YPEL5: variants seen among roughly 807,000 people sequenced by gnomAD.
YPEL5 encodes protein yippee-like 5.
Under a neutral mutation model 10.5 loss-of-function variants are expected in YPEL5, and 1 was observed. That is an observed-to-expected ratio of 0.10 (90% confidence interval 0.03 to 0.45). The LOEUF (loss-of-function observed/expected upper bound fraction) is 0.45. Ranked by LOEUF, YPEL5 falls within the 20% of genes least tolerant of loss-of-function variation. The pLI is 0.97. For synonymous variants in YPEL5, 61 were observed against 56.6 expected, an observed-to-expected ratio of 1.08 and a Z score of -0.35; for missense variants, 68 against 159.3, an observed-to-expected ratio of 0.43 and a Z score of 3.09.
chr2:30,158,515 T>A, intron 2 of YPEL5, 104 bp from the exon 3 acceptor site: 2 of 1,080,984 alleles, frequency 1.9e-6, no homozygotes, highest in Non-Finnish European at 2.7e-6. Context: ...AACAAGTTCT[T>A]TCTCCTTTTC....
At chr2:30,157,564 AT>A (rs1676098074) in intron 2 of YPEL5, among the ~76,000 whole-genome samples, 1 of 152,128 alleles carries the variant, frequency 6.6e-6, no homozygotes, top group South Asian at 2.1e-4. Flanking sequence ...TGTTTTTCTG[AT>A]TTGCAAGTGT....
rs186089333 is a variant in YPEL5, at chr2:30,154,861, C to T, written c.-24-1767C>T. On this transcript the variant is annotated intron_variant, in intron 1 of 2. Coordinates refer to ENST00000261353, the MANE Select transcript of YPEL5 (RefSeq NM_016061.3). The stretch of plus-strand genomic sequence containing the variant: ...TCAAGCCATTCTCCTGCCTCAGCCT[C>T]CCGAGTAGCTGAGACTACAGGCGTG... Among the ~76,000 whole-genome samples the T allele has an allele frequency of 2.4e-3, 359 of 152,328 alleles. 4 individuals carry two copies. The highest frequency in any genetic ancestry group is 8.1e-3 in the African/African-American group (337 of 41,564).
Position 30,158,604 on chromosome 2 carries a change from C to T in YPEL5, c.142-15C>T, listed in dbSNP as rs1332097426. The stretch of plus-strand genomic sequence containing the variant: ...AACATGCCTTGCAATTTTGATTTTC[C>T]TTGTCCCTTGTTAGGTAGTTAACCT... On this transcript the variant is annotated splice_polypyrimidine_tract_variant and intron_variant, in intron 2 of 2. Coordinates refer to ENST00000261353, the MANE Select transcript of YPEL5 (RefSeq NM_016061.3). 6.2e-7 allele frequency: 1 copy of T among 1,611,366 alleles called. No homozygotes were observed. The highest frequency in any genetic ancestry group is 1.7e-5 in the Admixed American group (1 of 60,012).
chr2:30,156,542 T>C, intron 1 of YPEL5, 86 bp from the exon 2 acceptor site: 2 of 1,244,264 alleles, frequency 1.6e-6, no homozygotes, highest in Non-Finnish European at 2.3e-6. Flanking sequence ...TAAATACGTA[T>C]ACAAATTGTT....
intron 1 of YPEL5, chr2:30,148,348 TTGG>T (rs369283385): frequency 1.6e-3 from 247 of 152,336 alleles, no homozygotes; most frequent in African/African-American, 5.5e-3. Context: ...ATTAGTAGAC[TTGG>T]TGGTGAAGAA....
At position 30,149,720 on chromosome 2, in the gene YPEL5, T is replaced by G. The variant is rs1385619960; in HGVS notation, c.-25+2658T>G. On this transcript the variant is annotated intron_variant, in intron 1 of 2. Transcript: ENST00000261353. ...ACCACCTCTGCAAGGGGCAGGTTCCTTTAACCCTTTCTGCGCTAGATGCCT... is the reference window on the plus strand; with the variant it reads ...ACCACCTCTGCAAGGGGCAGGTTCCGTTAACCCTTTCTGCGCTAGATGCCT... Among the ~76,000 whole-genome samples the G allele has an allele frequency of 2.0e-5, 3 of 152,354 alleles. No individual in the cohort carries two copies. The South Asian group carries it at 6.2e-4, about 32-fold the overall frequency.
intron 1 of YPEL5, among the ~76,000 whole-genome samples, chr2:30,151,538 A>G (rs908661956): frequency 3.3e-5 from 5 of 152,238 alleles, no homozygotes; most frequent in Admixed American, 6.5e-5. Context: ...GGTAATTTCA[A>G]ATAAACTAAG....
At chr2:30,152,787 T>A (rs1675860704) in intron 1 of YPEL5, among the ~76,000 whole-genome samples, 1 of 151,040 alleles carries the variant, frequency 6.6e-6, no homozygotes, top group Admixed American at 6.6e-5. Flanking sequence ...AGATGCTAAA[T>A]AATTATTAGG....
chr2:30,150,069 C>A (rs1316831840), intron 1 of YPEL5, among the ~76,000 whole-genome samples: 1 of 152,162 alleles, frequency 6.6e-6, no homozygotes, highest in Non-Finnish European at 1.5e-5. Flanking sequence ...ACAACAAGTA[C>A]CTATTTTAAG....
intron 1 of YPEL5, 118 bp from the exon 2 acceptor site, chr2:30,156,510 G>A: frequency 3.2e-6 from 3 of 925,558 alleles, no homozygotes; most frequent in South Asian, 3.3e-5. Flanking sequence ...CACACATCGA[G>A]TACTACAAAG....
intron 2 of YPEL5, among the ~76,000 whole-genome samples, 164 bp from the exon 3 acceptor site, chr2:30,158,455 C>G (rs1676138996): frequency 6.6e-6 from 1 of 152,166 alleles, no homozygotes; most frequent in East Asian, 1.9e-4. Flanking sequence ...TCTGCCTGCC[C>G]CAGCAGCTTC....
At chr2:30,151,485 A>G (rs894589194) in intron 1 of YPEL5, among the ~76,000 whole-genome samples, 3 of 152,252 alleles carry the variant, frequency 2.0e-5, no homozygotes, top group African/African-American at 7.2e-5. Flanking sequence ...GAAATTATCT[A>G]TAAATTTCAC....
chr2:30,160,450 G>A lies in YPEL5; in HGVS notation c.*1607G>A, dbSNP rs929014982. On this transcript the variant is annotated 3_prime_UTR_variant, in exon 3 of 3. Transcript: ENST00000261353. The stretch of plus-strand genomic sequence containing the variant: ...TCCATTCATTTCCATACTGGCTTTT[G>A]ATTATATGCAGATTCCTAGTAGCAT... 14 of 152,174 alleles carry A rather than the reference G, an allele frequency of 9.2e-5. No individual in the cohort carries two copies. The highest frequency in any genetic ancestry group is 6.5e-4 in the Admixed American group (10 of 15,282). The allele number at this position is 152,174 out of a possible 1,614,324, so 9.4% of individuals were successfully genotyped here.
At chr2:30,149,046 C>T (rs898845394) in intron 1 of YPEL5, among the ~76,000 whole-genome samples, 2 of 152,158 alleles carry the variant, frequency 1.3e-5, no homozygotes, top group Admixed American at 6.5e-5. Flanking sequence ...GTAAATTACA[C>T]GTCAATCCAT....
At chr2:30,155,038 C>T (rs911672397) in intron 1 of YPEL5, among the ~76,000 whole-genome samples, 18 of 152,198 alleles carry the variant, frequency 1.2e-4, no homozygotes, top group African/African-American at 3.9e-4. Context: ...CGCACCTGGC[C>T]AAGTGTTGTA....
rs972871322 is a variant in YPEL5, at chr2:30,159,279, C to T, written c.*436C>T. 5.7e-6 allele frequency: 1 copy of T among 174,360 alleles called. No individual in the cohort carries two copies. The highest frequency in any genetic ancestry group is 2.4e-5 in the African/African-American group (1 of 41,514). 10.8% of individuals were successfully genotyped at this position (174,360 alleles called of 1,614,324 possible). On this transcript the variant is annotated 3_prime_UTR_variant, in exon 3 of 3. Coordinates refer to ENST00000261353, the MANE Select transcript of YPEL5 (RefSeq NM_016061.3). ...GTTATTTCACTTGATTTGCTAGCTTCAGAGAAGAGATCCGAATCTGTGCCC... is the reference window on the plus strand; with the variant it reads ...GTTATTTCACTTGATTTGCTAGCTTTAGAGAAGAGATCCGAATCTGTGCCC...
intron 2 of YPEL5, 109 bp from the exon 3 acceptor site, chr2:30,158,510 G>A: frequency 1.0e-5 from 11 of 1,050,286 alleles, no homozygotes; most frequent in Non-Finnish European, 1.6e-5. Flanking sequence ...AAACTAACAA[G>A]TTCTTTCTCC....
chr2:30,149,623 A>G (rs1258678363), intron 1 of YPEL5, among the ~76,000 whole-genome samples: 1 of 152,196 alleles, frequency 6.6e-6, no homozygotes, highest in Non-Finnish European at 1.5e-5. Context: ...TTGGCGAGGG[A>G]AGAGATTAAA....
chr2:30,157,227 G>C (rs1676082150), intron 2 of YPEL5, among the ~76,000 whole-genome samples: 2 of 151,836 alleles, frequency 1.3e-5, no homozygotes, highest in Admixed American at 6.6e-5. Context: ...AGGTTGTGGT[G>C]AGCCGAGATA....
Sources: gnomAD v4.1 joint callset for allele counts (sites outside exome capture counted in the v4.1 genomes callset) on GRCh38, gnomAD v4.1.1 for gene constraint, MANE v1.5 for transcripts, NCBI Gene and HGNC (gene_info 2026-07-23, HGNC 2026-07-21) for gene names.